RAD51B: variants seen among roughly 807,000 people sequenced by gnomAD.
RAD51B encodes DNA repair protein RAD51 homolog 2.
In RAD51B, 38 loss-of-function variants were observed where a neutral mutation model predicts 42.2. The ratio of observed to expected loss-of-function variants is 0.90; its 90% CI spans 0.70 to 1.18. The LOEUF is 1.18. Among genes scored for constraint, RAD51B ranks in the 50% most tolerant of loss-of-function variants. RAD51B has a pLI of 0.00. For missense variants in RAD51B, 373 were observed against 400.7 expected (o/e 0.93, Z 0.59); for synonymous variants, 154 against 145.2 (o/e 1.06, Z -0.43).
chr14:68,476,795 T>A lies in RAD51B; in HGVS notation c.1037-853T>A, dbSNP rs189486090. Among the ~76,000 whole-genome samples the A allele has an allele frequency of 2.5e-4, 38 of 152,232 alleles. No homozygotes were observed. In the Middle Eastern group the frequency reaches 0.014, roughly 55 times the overall value. On this transcript the variant is annotated intron_variant, in intron 10 of 10. Coordinates refer to ENST00000471583, the MANE Select transcript of RAD51B (RefSeq NM_133510.4). ...GACAAATAGAGGAGCTTTTGAAAAA[T>A]CTTCCTATCTACCTACTGGGGTGTC... is the stretch of plus-strand genomic sequence containing the variant.
intron 7 of RAD51B, among the ~76,000 whole-genome samples, chr14:68,151,071 C>G (rs907937153): frequency 3.9e-5 from 6 of 151,946 alleles, no homozygotes; most frequent in Non-Finnish European, 5.9e-5. Context: ...AGAATTTTCT[C>G]TATCAGGTCT....
chr14:67,975,707 T>C (rs188162592), intron 7 of RAD51B, among the ~76,000 whole-genome samples: 11 of 152,344 alleles, frequency 7.2e-5, no homozygotes, highest in Admixed American at 1.3e-4. Context: ...GCATTTGCCT[T>C]ATTTGAACGT....
chr14:68,291,069 A>G (rs1595667762), intron 7 of RAD51B, among the ~76,000 whole-genome samples: 2 of 152,082 alleles, frequency 1.3e-5, no homozygotes, highest in African/African-American at 4.8e-5. Flanking sequence ...CAGCCTCCCA[A>G]AGTGCTGGGA....
At position 68,202,505 on chromosome 14, in the gene RAD51B, G is replaced by T. The variant is rs146907956; in HGVS notation, c.757-89379G>T. Among the ~76,000 whole-genome samples, 19 of 149,922 alleles carry T rather than the reference G, an allele frequency of 1.3e-4. No homozygotes were observed. The East Asian group carries it at 3.8e-3, about 30-fold the overall frequency. On this transcript the variant is annotated intron_variant, in intron 7 of 10. Coordinates refer to ENST00000471583, the MANE Select transcript of RAD51B (RefSeq NM_133510.4). The stretch of plus-strand genomic sequence containing the variant: ...TGTTGTCATTTCAATGATGTTCACA[G>T]CACCTTCACCAGGAGTAGATCCCAT...
chr14:68,178,680 A>G (rs896997367), intron 7 of RAD51B, among the ~76,000 whole-genome samples: 38 of 152,192 alleles, frequency 2.5e-4, no homozygotes, highest in African/African-American at 9.2e-4. Context: ...GTGCTGTCCA[A>G]TAGCTGGCAT....
At chr14:68,604,781 T>G (rs1050913226) in intron 10 of RAD51B, among the ~76,000 whole-genome samples, 1 of 136,952 alleles carries the variant, frequency 7.3e-6, no homozygotes, top group Non-Finnish European at 1.7e-5. Flanking sequence ...GCTGCTCTGG[T>G]CTCATGTACT....
chr14:68,066,020 A>G (rs1041331527), intron 7 of RAD51B, among the ~76,000 whole-genome samples: 3 of 137,340 alleles, frequency 2.2e-5, no homozygotes, highest in African/African-American at 3.2e-5. Context: ...GGGAATAATT[A>G]TATGTATATA....
At chr14:68,673,509 T>C (rs1211047088) in intron 11 of RAD51B, among the ~76,000 whole-genome samples, 1 of 151,368 alleles carries the variant, frequency 6.6e-6, no homozygotes, top group Non-Finnish European at 1.5e-5. Flanking sequence ...CACATGTATG[T>C]ACACACATAT....
downstream of RAD51B, among the ~76,000 whole-genome samples, chr14:68,483,068 G>GCTTGAAAGTAAGAA (rs1883328013): frequency 6.6e-6 from 1 of 152,134 alleles, no homozygotes; most frequent in South Asian, 2.1e-4. Context: ...GAAAGAGAGA[G>GCTTGAAAGTAAGAA]AGATTGAGCA....
At chr14:67,918,547 T>C (rs745459902) in intron 7 of RAD51B, among the ~76,000 whole-genome samples, 2 of 152,150 alleles carry the variant, frequency 1.3e-5, no homozygotes, top group Non-Finnish European at 2.9e-5. Context: ...GGGAAATAAT[T>C]ATCAGTGAAA....
intron 10 of RAD51B, among the ~76,000 whole-genome samples, chr14:68,476,572 C>G (rs757149850): frequency 6.6e-6 from 1 of 152,156 alleles, no homozygotes; most frequent in Non-Finnish European, 1.5e-5. Context: ...CATCTTGACC[C>G]ATGAGGGCTT....
At chr14:68,145,527 T>C (rs777771250) in intron 7 of RAD51B, among the ~76,000 whole-genome samples, 2 of 152,232 alleles carry the variant, frequency 1.3e-5, no homozygotes, top group Non-Finnish European at 2.9e-5. Flanking sequence ...AATAAGTTAT[T>C]ATAAAAATCT....
At chr14:68,235,237 T>C (rs937503587) in intron 7 of RAD51B, among the ~76,000 whole-genome samples, 1 of 152,090 alleles carries the variant, frequency 6.6e-6, no homozygotes, top group Non-Finnish European at 1.5e-5. Context: ...TCTTGCACTA[T>C]ATCATTAGGA....
intron 7 of RAD51B, among the ~76,000 whole-genome samples, chr14:68,110,787 A>G (rs551119606): frequency 2.0e-5 from 3 of 152,042 alleles, no homozygotes; most frequent in Non-Finnish European, 4.4e-5. Context: ...TGTTAAACTC[A>G]AAAGCCCATG....
chr14:68,258,431 A>ACACACACACACT (rs1555382630), intron 7 of RAD51B, among the ~76,000 whole-genome samples: 5 of 149,000 alleles, frequency 3.4e-5, no homozygotes, highest in Admixed American at 1.3e-4. Flanking sequence ...ACACACACAC[A>ACACACACACACT]CTCTCTCTCT....
chr14:67,917,051 A>G (rs573120778), intron 7 of RAD51B, among the ~76,000 whole-genome samples: 2 of 152,362 alleles, frequency 1.3e-5, no homozygotes, highest in East Asian at 3.9e-4. Context: ...ACATCTGAGC[A>G]AAGACTTGAA....
chr14:68,651,904 C>T (rs4899250), intron 11 of RAD51B, among the ~76,000 whole-genome samples: 27,084 of 152,128 alleles, frequency 0.18, 2,768 homozygotes, highest in South Asian at 0.24. Flanking sequence ...ATCCCGGAAC[C>T]GTCTTGGTGC....
intron 7 of RAD51B, chr14:68,236,244 G>A (rs2080254300): frequency 6.6e-6 from 1 of 152,158 alleles, no homozygotes; most frequent in Admixed American, 6.5e-5. Flanking sequence ...AAACAAATAA[G>A]AGAAGAGGTC....
At chr14:68,256,852 A>G (rs944411093) in intron 7 of RAD51B, among the ~76,000 whole-genome samples, 1 of 152,252 alleles carries the variant, frequency 6.6e-6, no homozygotes, top group African/African-American at 2.4e-5. Context: ...TACTAAAGTC[A>G]TAAACATAAA....
Sources: gnomAD v4.1 joint callset for allele counts (sites outside exome capture counted in the v4.1 genomes callset) on GRCh38, gnomAD v4.1.1 for gene constraint, MANE v1.5 for transcripts, NCBI Gene and HGNC (gene_info 2026-07-23, HGNC 2026-07-21) for gene names.